The following EPHA3 variants were observed in gnomAD, a reference collection of about 807,000 sequenced individuals.
The protein encoded by EPHA3 is EPH receptor A3, also known as ephrin type-A receptor 3.
EPHA3 carries 42 observed loss-of-function variants against 107.1 expected under a neutral mutation model. The ratio of observed to expected loss-of-function variants is 0.39; its 90% confidence interval spans 0.31 to 0.51. The LOEUF is 0.51. Among genes scored for constraint, EPHA3 ranks in the 20% least tolerant of loss-of-function variants. The probability of loss-of-function intolerance (pLI) is 0.78; values close to 1 mark genes in which losing one functional copy is unlikely to be tolerated. For synonymous variants in EPHA3, 461 were observed against 424.8 expected (o/e 1.09, Z -1.05); for missense variants, 1,183 against 1,211.2 (o/e 0.98, Z 0.35).
At chr3:89,296,222 A>T (rs1003674792) in intron 3 of EPHA3, among the ~76,000 whole-genome samples, 1 of 152,202 alleles carries the variant, frequency 6.6e-6, no homozygotes, top group Non-Finnish European at 1.5e-5. Flanking sequence ...GGAATCTAGA[A>T]TGGTGAATTT....
intron 3 of EPHA3, among the ~76,000 whole-genome samples, chr3:89,320,624 T>A (rs1707020841): frequency 6.6e-6 from 1 of 151,864 alleles, no homozygotes; most frequent in Non-Finnish European, 1.5e-5. Flanking sequence ...TGAGGCTACA[T>A]GGCAAGATTT....
chr3:89,151,536 G>A (rs1704690159), intron 2 of EPHA3, among the ~76,000 whole-genome samples: 2 of 152,060 alleles, frequency 1.3e-5, no homozygotes, highest in African/African-American at 2.4e-5. Context: ...ATAGTGAGGA[G>A]CAGGAAGAGG....
intron 3 of EPHA3, among the ~76,000 whole-genome samples, chr3:89,289,534 T>A (rs1291105123): frequency 6.6e-6 from 1 of 152,114 alleles, no homozygotes; most frequent in Non-Finnish European, 1.5e-5. Context: ...TTGAGCCAAC[T>A]GTTAAATTTC....
At chr3:89,203,772 G>C (rs1706033471) in intron 2 of EPHA3, among the ~76,000 whole-genome samples, 1 of 151,826 alleles carries the variant, frequency 6.6e-6, no homozygotes, top group Admixed American at 6.6e-5. Context: ...GCGAGACTCT[G>C]TCTCAAAAAA....
intron 2 of EPHA3, among the ~76,000 whole-genome samples, chr3:89,153,333 G>A (rs551236195): frequency 6.6e-6 from 1 of 152,052 alleles, no homozygotes; most frequent in South Asian, 2.1e-4. Context: ...CTTTGCTGTT[G>A]CCTCTTTATT....
intron 3 of EPHA3, among the ~76,000 whole-genome samples, chr3:89,279,538 A>G (rs1257584139): frequency 6.6e-6 from 1 of 152,178 alleles, no homozygotes; most frequent in Non-Finnish European, 1.5e-5. Context: ...AAGTTATAAG[A>G]AATTACACAT....
At chr3:89,467,735 T>C (rs1710315498) in intron 15 of EPHA3, among the ~76,000 whole-genome samples, 1 of 152,156 alleles carries the variant, frequency 6.6e-6, no homozygotes, top group South Asian at 2.1e-4. Context: ...AATTCACAAA[T>C]CTTAATAGAA....
intron 6 of EPHA3, among the ~76,000 whole-genome samples, chr3:89,398,258 G>T (rs1708889758): frequency 6.6e-6 from 1 of 152,104 alleles, no homozygotes; most frequent in Non-Finnish European, 1.5e-5. Context: ...CAGGGACATT[G>T]TACCATTGCT....
intron 2 of EPHA3, among the ~76,000 whole-genome samples, chr3:89,198,535 G>T (rs1208224926): frequency 1.3e-5 from 2 of 152,252 alleles, no homozygotes; most frequent in Middle Eastern, 3.4e-3. Context: ...ATGAAGTATT[G>T]TTGCTACCCT....
At chr3:89,452,226 G>C (rs553714257) in intron 15 of EPHA3, among the ~76,000 whole-genome samples, 1 of 152,142 alleles carries the variant, frequency 6.6e-6, no homozygotes, top group African/African-American at 2.4e-5. Context: ...TATACCCAGA[G>C]TGGGATTGCT....
intron 3 of EPHA3, among the ~76,000 whole-genome samples, chr3:89,224,197 T>A (rs2107212475): frequency 6.6e-6 from 1 of 151,894 alleles, no homozygotes; most frequent in South Asian, 2.1e-4. Context: ...TTATAGCATC[T>A]CTCCTATCTA....
chr3:89,382,500 T>C (rs9825569), intron 5 of EPHA3, among the ~76,000 whole-genome samples: 45,919 of 146,438 alleles, frequency 0.31, 8,148 homozygotes, highest in African/African-American at 0.48. Flanking sequence ...AGAGCAAAAA[T>C]TCCATCTCAA....
chr3:89,178,744 T>A (rs566358255), intron 2 of EPHA3, among the ~76,000 whole-genome samples: 1 of 151,998 alleles, frequency 6.6e-6, no homozygotes, highest in East Asian at 1.9e-4. Flanking sequence ...TAAAGCATTT[T>A]GAGTCCATAA....
At chr3:89,327,579 T>A (rs1344153626) in intron 3 of EPHA3, among the ~76,000 whole-genome samples, 2 of 152,172 alleles carry the variant, frequency 1.3e-5, no homozygotes, top group Non-Finnish European at 2.9e-5. Flanking sequence ...CAGTTCTAAT[T>A]GACAAAAGTG....
chr3:89,342,316 C>T (rs1175492008), intron 5 of EPHA3, among the ~76,000 whole-genome samples: 2 of 152,108 alleles, frequency 1.3e-5, no homozygotes, highest in African/African-American at 4.8e-5. Context: ...CCCATTGTTT[C>T]CCAATTTGAA....
chr3:89,219,688 G>GTGTTTTTTTTTGTTTTTTTTTGTTTT, intron 3 of EPHA3, among the ~76,000 whole-genome samples: 1 of 34,442 alleles, frequency 2.9e-5, no homozygotes, highest in Non-Finnish European at 5.2e-5. Context: ...ATTTGGCAAT[G>GTGTTTTTTTTTGTTTTTTTTTGTTTT]TTTTTTTTTT....
intron 10 of EPHA3, among the ~76,000 whole-genome samples, chr3:89,413,532 G>A (rs1446554698): frequency 6.6e-6 from 1 of 151,682 alleles, no homozygotes; most frequent in African/African-American, 2.4e-5. Flanking sequence ...TGTGCTGATC[G>A]TGTGTCACAA....
chr3:89,382,159 T>C (rs1178006423), intron 5 of EPHA3, among the ~76,000 whole-genome samples: 6 of 152,150 alleles, frequency 3.9e-5, no homozygotes, highest in Non-Finnish European at 5.9e-5. Context: ...ATGCATGTTT[T>C]ATTGTAACTC....
intron 15 of EPHA3, among the ~76,000 whole-genome samples, chr3:89,457,397 T>C (rs550374721): frequency 6.6e-6 from 1 of 152,286 alleles, no homozygotes; most frequent in African/African-American, 2.4e-5. Flanking sequence ...GAGCTCTACT[T>C]ACTGCAGATC....
Sources: gnomAD v4.1 joint callset for allele counts (sites outside exome capture counted in the v4.1 genomes callset) on GRCh38, gnomAD v4.1.1 for gene constraint, MANE v1.5 for transcripts, NCBI Gene and HGNC (gene_info 2026-07-23, HGNC 2026-07-21) for gene names.